Variants in RALGPS1 observed in about 807,000 individuals in gnomAD.
RALGPS1 encodes the protein Ral GEF with PH domain and SH3 binding motif 1, also known as ras-specific guanine nucleotide-releasing factor RalGPS1.
In RALGPS1, 19 loss-of-function variants were observed where a neutral mutation model predicts 78.8. The observed-to-expected ratio is 0.24, with a 90% confidence interval of 0.17 to 0.35. The LOEUF (loss-of-function observed/expected upper bound fraction) is 0.35. Among genes scored for constraint, RALGPS1 ranks in the 10% least tolerant of loss-of-function variants. RALGPS1 has a pLI of 1.00. For synonymous variants in RALGPS1, 228 were observed against 256.3 expected (o/e 0.89, Z 1.06); for missense variants, 454 against 688.3 (o/e 0.66, Z 3.81).
intron 8 of RALGPS1, chr9:127,108,417 C>T (rs372964468): frequency 1.1e-4 from 177 of 1,608,332 alleles, no homozygotes; most frequent in Non-Finnish European, 1.4e-4. Context: ...GCTGCTGCAG[C>T]GTCTCGATCT....
intron 8 of RALGPS1, chr9:127,093,718 C>T: frequency 6.2e-7 from 1 of 1,613,288 alleles, no homozygotes; most frequent in South Asian, 1.1e-5. Flanking sequence ...ACAGACATCC[C>T]CTGCCGAGTC....
chr9:127,029,513 T>C (rs2046240179), intron 4 of RALGPS1, among the ~76,000 whole-genome samples: 1 of 152,148 alleles, frequency 6.6e-6, no homozygotes, highest in Non-Finnish European at 1.5e-5. Context: ...AAGAAAGCCA[T>C]TGAGCACAGT....
intron 8 of RALGPS1, among the ~76,000 whole-genome samples, chr9:127,147,460 G>A (rs1346864265): frequency 3.3e-5 from 5 of 152,186 alleles, no homozygotes; most frequent in East Asian, 1.9e-4. Context: ...CAAGGCTGAC[G>A]TCAAGAAGAG....
intron 14 of RALGPS1, among the ~76,000 whole-genome samples, chr9:127,204,972 G>A (rs892256578): frequency 7.9e-5 from 12 of 152,212 alleles, no homozygotes; most frequent in East Asian, 3.9e-4. Flanking sequence ...AGGCGATCCC[G>A]CAGGTGATAG....
In RALGPS1 at chr9:127,212,570, G is replaced by T. The variant is rs1272127609; in HGVS notation, c.1354-57G>T. On this transcript the variant is annotated intron_variant, in intron 15 of 18. Transcript: ENST00000259351. The surrounding 1 kb of genome is among the most constrained non-coding windows in gnomAD (Gnocchi z 6.0). ...GATGGCTGGGTCTGTAATCGGCCAGGGATCCTCTACCCCCACGACCCCTGG... is the reference window on the plus strand; with the variant it reads ...GATGGCTGGGTCTGTAATCGGCCAGTGATCCTCTACCCCCACGACCCCTGG... 7.7e-7 allele frequency: 1 copy of T among 1,297,168 alleles called. No homozygotes were observed. Among genetic ancestry groups the T allele is most frequent in the Admixed American group, 2.0e-5 (1 of 49,976 alleles). The allele number at this position is 1,297,168 out of a possible 1,614,324, so 80.4% of individuals were successfully genotyped here.
At chr9:127,089,762 C>T (rs1444751562) in intron 8 of RALGPS1, among the ~76,000 whole-genome samples, 4 of 152,216 alleles carry the variant, frequency 2.6e-5, no homozygotes, top group African/African-American at 9.7e-5. Flanking sequence ...ATTTTGCTGC[C>T]AAGGACAAGC....
intron 8 of RALGPS1, among the ~76,000 whole-genome samples, chr9:127,144,526 A>G (rs954997005): frequency 6.6e-6 from 1 of 152,264 alleles, no homozygotes; most frequent in African/African-American, 2.4e-5. Flanking sequence ...GTAAAAACAC[A>G]TGTTCAAACA....
intron 1 of RALGPS1, among the ~76,000 whole-genome samples, chr9:126,935,524 G>A (rs1014563632): frequency 3.3e-5 from 5 of 152,156 alleles, no homozygotes; most frequent in East Asian, 3.8e-4. Context: ...TCACTCTTCC[G>A]TCAACCTGTT....
Position 127,093,811 on chromosome 9 carries a change from G to A in RALGPS1, c.610+24455G>A, listed in dbSNP as rs145699646. On this transcript the variant is annotated intron_variant, in intron 8 of 18. Coordinates refer to ENST00000259351, the MANE Select transcript of RALGPS1 (RefSeq NM_014636.3). ...GGATGACGGTCCAGCCCCCGGGGTC[G>A]TGTCTCTGGTCGCACCACACCTGCA... The A allele has an allele frequency of 3.6e-4, 586 of 1,613,986 alleles. No individual in the cohort carries two copies. In the African/African-American group the frequency reaches 6.5e-3, roughly 18 times the overall value.
chr9:126,944,456 A>G (rs1410011872), intron 1 of RALGPS1, among the ~76,000 whole-genome samples: 1 of 151,956 alleles, frequency 6.6e-6, no homozygotes, highest in African/African-American at 2.4e-5. Context: ...CCCACACGTA[A>G]CAGGTGTAAA....
At chr9:127,215,250 A>G (rs2062509846) in intron 18 of RALGPS1, among the ~76,000 whole-genome samples, 1 of 152,220 alleles carries the variant, frequency 6.6e-6, no homozygotes, top group Non-Finnish European at 1.5e-5. Flanking sequence ...TAATGCGGCT[A>G]GCTAACTTAC....
chr9:127,001,108 C>CAAAACAA (rs558323214), intron 4 of RALGPS1, among the ~76,000 whole-genome samples: 1 of 150,072 alleles, frequency 6.7e-6, no homozygotes, highest in African/African-American at 2.5e-5. Flanking sequence ...CAAAACAAAA[C>CAAAACAA]AAAACAAAAC....
At chr9:127,027,578 T>C (rs1031990733) in intron 4 of RALGPS1, among the ~76,000 whole-genome samples, 1 of 152,262 alleles carries the variant, frequency 6.6e-6, no homozygotes. Context: ...CAGATTTTAC[T>C]GAGGGGAGAA....
intron 17 of RALGPS1, 110 bp from the exon 18 acceptor site, chr9:127,214,641 G>T: frequency 6.7e-7 from 1 of 1,481,580 alleles, no homozygotes; most frequent in East Asian, 2.5e-5. Context: ...GCTCACCTGG[G>T]GCCGACCTTC....
intron 1 of RALGPS1, among the ~76,000 whole-genome samples, chr9:126,961,956 A>G (rs1286735950): frequency 6.6e-6 from 1 of 152,218 alleles, no homozygotes; most frequent in Non-Finnish European, 1.5e-5. Flanking sequence ...AAATGGGCCC[A>G]GTATTGCCAG....
intron 10 of RALGPS1, among the ~76,000 whole-genome samples, chr9:127,173,686 T>C (rs2059682214): frequency 6.6e-6 from 1 of 152,214 alleles, no homozygotes; most frequent in Non-Finnish European, 1.5e-5. Flanking sequence ...TAAGGGCATC[T>C]GATCATGGGG....
chr9:127,035,605 G>C (rs1024973282), intron 5 of RALGPS1, among the ~76,000 whole-genome samples: 6 of 152,086 alleles, frequency 3.9e-5, no homozygotes, highest in Non-Finnish European at 8.8e-5. Context: ...CTTCTCTCTC[G>C]GAAATGCTTG....
chr9:127,043,631 T>G (rs1327301601), intron 5 of RALGPS1, among the ~76,000 whole-genome samples: 1 of 152,200 alleles, frequency 6.6e-6, no homozygotes, highest in Non-Finnish European at 1.5e-5. Flanking sequence ...TAAATTTTTT[T>G]CACTCTGCAA....
Position 127,168,731 on chromosome 9 carries a change from C to T in RALGPS1, c.801C>T (p.Tyr267=). ...HVQKYLKSVR[Y]IEELQKFVED... ...AGAAGTACCTGAAGTCCGTACGCTA[C>T]ATTGAAGAGCTCCAGAAGTTTGTGG... is the stretch of plus-strand genomic sequence containing the variant. The change falls in exon 10 of 19, where the codon TAC becomes TAT. Residue 267 remains tyrosine, a synonymous_variant. Coordinates refer to ENST00000259351, the MANE Select transcript of RALGPS1 (RefSeq NM_014636.3). 6.2e-7 allele frequency: 1 copy of T among 1,613,828 alleles called. No homozygotes were observed. The highest frequency in any genetic ancestry group is 1.7e-5 in the Admixed American group (1 of 60,030).
Sources: allele counts gnomAD v4.1 joint callset (sites outside exome capture counted in the v4.1 genomes callset), GRCh38; gene constraint gnomAD v4.1.1; non-coding constraint Gnocchi (gnomAD v3.1); transcripts MANE v1.5; gene names NCBI Gene and HGNC (gene_info 2026-07-23, HGNC 2026-07-21).